Variants in FNDC3A observed in about 807,000 individuals in gnomAD.
The protein encoded by FNDC3A is fibronectin type III domain containing 3A.
A neutral mutation model predicts 148.9 loss-of-function variants in FNDC3A; 32 were observed. That is an observed-to-expected ratio of 0.21 (90% CI 0.16 to 0.29). The LOEUF (loss-of-function observed/expected upper bound fraction) is 0.29, where lower values mean the gene tolerates loss of function less well. FNDC3A is among the 10% of genes least tolerant of loss of function. The probability of loss-of-function intolerance (pLI) is 1.00; values close to 1 mark genes in which losing one functional copy is unlikely to be tolerated. For synonymous variants in FNDC3A, 472 were observed against 473.6 expected, an observed-to-expected ratio of 1.00 and a Z score of 0.04; for missense variants, 1,191 against 1,452.8, an observed-to-expected ratio of 0.82 and a Z score of 2.93.
chr13:49,036,509 T>TA (rs1026026314), intron 2 of FNDC3A, among the ~76,000 whole-genome samples: 6 of 152,312 alleles, frequency 3.9e-5, no homozygotes, highest in African/African-American at 1.4e-4. Context: ...AGATGGATGG[T>TA]AGTTAATTGA....
chr13:49,134,370 A>G (rs1882208899), intron 5 of FNDC3A, among the ~76,000 whole-genome samples: 1 of 152,138 alleles, frequency 6.6e-6, no homozygotes. Context: ...CTCACATATA[A>G]TAGTACTTCG....
At chr13:49,124,663 A>T (rs1593624405) in intron 4 of FNDC3A, among the ~76,000 whole-genome samples, 1 of 152,302 alleles carries the variant, frequency 6.6e-6, no homozygotes, top group South Asian at 2.1e-4. Context: ...GTTGCAGTTT[A>T]ATAAATAAGG....
At chr13:49,199,621 C>T (rs1400727223) in intron 23 of FNDC3A, among the ~76,000 whole-genome samples, 5 of 152,108 alleles carry the variant, frequency 3.3e-5, no homozygotes, top group Non-Finnish European at 7.4e-5. Context: ...CCACTGCACC[C>T]GGCCCTGAAA....
intron 3 of FNDC3A, among the ~76,000 whole-genome samples, chr13:49,077,802 A>T (rs936573506): frequency 5.9e-5 from 9 of 152,246 alleles, no homozygotes; most frequent in African/African-American, 9.6e-5. Flanking sequence ...AAAATTTTTT[A>T]AAAATTTCTC....
chr13:48,984,457 G>T (rs1951752138), intron 1 of FNDC3A, among the ~76,000 whole-genome samples: 1 of 152,134 alleles, frequency 6.6e-6, no homozygotes, highest in South Asian at 2.1e-4. Context: ...AGAATTTGGA[G>T]TAGGAATAGG....
intron 23 of FNDC3A, among the ~76,000 whole-genome samples, chr13:49,200,294 T>C (rs1886364108): frequency 6.6e-6 from 1 of 152,160 alleles, no homozygotes; most frequent in Admixed American, 6.5e-5. Context: ...TAAAATAACA[T>C]ATGGAATAAT....
chr13:49,038,353 T>C (rs1393717748), intron 2 of FNDC3A, among the ~76,000 whole-genome samples: 1 of 152,112 alleles, frequency 6.6e-6, no homozygotes, highest in African/African-American at 2.4e-5. Flanking sequence ...TATTTCCCTG[T>C]CTCCTGTCCA....
intron 8 of FNDC3A, among the ~76,000 whole-genome samples, chr13:49,158,085 C>T (rs1415845515): frequency 6.6e-6 from 1 of 152,242 alleles, no homozygotes; most frequent in Admixed American, 6.5e-5. Context: ...TTTACCTAAG[C>T]AAGCCAGGGC....
intron 3 of FNDC3A, among the ~76,000 whole-genome samples, chr13:49,107,871 G>T (rs1050129135): frequency 6.6e-6 from 1 of 152,134 alleles, no homozygotes; most frequent in Non-Finnish European, 1.5e-5. Context: ...TCTGAGTACT[G>T]CTTGATTTCT....
intron 1 of FNDC3A, among the ~76,000 whole-genome samples, chr13:49,001,322 G>A (rs550711885): frequency 2.6e-5 from 4 of 152,252 alleles, no homozygotes; most frequent in African/African-American, 4.8e-5. Context: ...ATCTTTGTAA[G>A]CTGAGGAGGA....
chr13:49,070,881 C>CTTTTTTTTTTTTTTTTTTTTTTTTTTTTT (rs758290861), intron 2 of FNDC3A, among the ~76,000 whole-genome samples: 1 of 120,970 alleles, frequency 8.3e-6, no homozygotes, highest in Non-Finnish European at 1.7e-5. Context: ...AACAGGATTT[C>CTTTTTTTTTTTTTTTTTTTTTTTTTTTTT]TTTTTTTTTT....
chr13:49,020,475 G>C (rs1462465789), intron 2 of FNDC3A, among the ~76,000 whole-genome samples: 1 of 152,258 alleles, frequency 6.6e-6, no homozygotes, highest in African/African-American at 2.4e-5. Context: ...CTTAATCTCT[G>C]TAGTTTACCA....
intron 2 of FNDC3A, 50 bp downstream of exon 2, chr13:49,006,339 A>G (rs769930813): frequency 1.9e-6 from 2 of 1,053,374 alleles, no homozygotes; most frequent in South Asian, 1.4e-5. Flanking sequence ...ACATGTATTT[A>G]TGCAAAATTT....
chr13:49,048,327 A>G (rs539883182), intron 2 of FNDC3A, among the ~76,000 whole-genome samples: 1 of 151,864 alleles, frequency 6.6e-6, no homozygotes, highest in South Asian at 2.1e-4. Context: ...GTGAAGAATG[A>G]TGGTGGTATT....
At chr13:49,114,935 G>A (rs1026940734) in intron 4 of FNDC3A, among the ~76,000 whole-genome samples, 5 of 152,036 alleles carry the variant, frequency 3.3e-5, no homozygotes, top group Non-Finnish European at 5.9e-5. Flanking sequence ...ATTTGTCCTT[G>A]TCTTTGGGTG....
At chr13:49,005,677 T>C (rs1952207399) in intron 1 of FNDC3A, among the ~76,000 whole-genome samples, 1 of 151,890 alleles carries the variant, frequency 6.6e-6, no homozygotes, top group Non-Finnish European at 1.5e-5. Context: ...AAAATCATAA[T>C]TTTTCTTGTG....
chr13:49,118,992 C>G (rs953574337), intron 4 of FNDC3A, among the ~76,000 whole-genome samples: 1 of 152,222 alleles, frequency 6.6e-6, no homozygotes. Context: ...CCCAGCAGAG[C>G]TCCCAAGCTC....
chr13:49,113,856 A>G (rs939872443), intron 3 of FNDC3A, among the ~76,000 whole-genome samples: 2 of 152,174 alleles, frequency 1.3e-5, no homozygotes, highest in Non-Finnish European at 2.9e-5. Flanking sequence ...AGAACAAAAC[A>G]CACCTTCTCC....
At chr13:49,027,281 T>A (rs1873784099) in intron 2 of FNDC3A, among the ~76,000 whole-genome samples, 1 of 152,188 alleles carries the variant, frequency 6.6e-6, no homozygotes, top group Non-Finnish European at 1.5e-5. Context: ...AGTAATGATC[T>A]AGTTGATACT....
Sources: allele counts gnomAD v4.1 joint callset (sites outside exome capture counted in the v4.1 genomes callset), GRCh38; gene constraint gnomAD v4.1.1; transcripts MANE v1.5; gene names NCBI Gene and HGNC (gene_info 2026-07-23, HGNC 2026-07-21).